CLMP: variants seen among roughly 807,000 people sequenced by gnomAD.
The protein encoded by CLMP is CXADR like cell adhesion molecule, also known as CXADR-like membrane protein.
Under a neutral mutation model 45.2 loss-of-function variants are expected in CLMP, and 27 were observed. The observed-to-expected ratio is 0.60, with a 90% CI of 0.44 to 0.82. The LOEUF is 0.82. Ranked by LOEUF, CLMP falls within the 40% of genes least tolerant of loss-of-function variation. The pLI is 0.00. For missense variants in CLMP, 403 were observed against 448.4 expected, an observed-to-expected ratio of 0.90 and a Z score of 0.91; for synonymous variants, 167 against 171.4, an observed-to-expected ratio of 0.97 and a Z score of 0.20.
chr11:123,148,727 C>T (rs1861271923), intron 1 of CLMP, among the ~76,000 whole-genome samples: 1 of 152,198 alleles, frequency 6.6e-6, no homozygotes. Flanking sequence ...CTAGAAGCCT[C>T]ATCTGTACCT....
intron 2 of CLMP, among the ~76,000 whole-genome samples, 197 bp from the exon 3 acceptor site, chr11:123,084,910 A>T (rs1356866829): frequency 3.9e-5 from 6 of 152,198 alleles, no homozygotes; most frequent in Non-Finnish European, 5.9e-5. Context: ...CTCCTTCCAA[A>T]AATAATAACA....
Position 123,075,117 on chromosome 11 carries a change from G to A in CLMP, c.680-274C>T, listed in dbSNP as rs540718739. Among the ~76,000 whole-genome samples the A allele has an allele frequency of 2.3e-4, 35 of 152,008 alleles. 1 individual carries two copies. The South Asian group carries it at 4.2e-3, about 18-fold the overall frequency. On this transcript the variant is annotated intron_variant, in intron 5 of 6. Transcript: ENST00000448775. Reference sequence around the variant, plus strand: ...ATCACAGGCGTGCACCACCACGCCCGGCTAATTTTGTATTTTTAGTAGAAA... The same window carrying A: ...ATCACAGGCGTGCACCACCACGCCCAGCTAATTTTGTATTTTTAGTAGAAA...
intron 1 of CLMP, among the ~76,000 whole-genome samples, chr11:123,104,360 A>C (rs1053794271): frequency 1.3e-5 from 2 of 149,874 alleles, no homozygotes; most frequent in East Asian, 4.0e-4. Flanking sequence ...GATTACAGGC[A>C]TGAGCCACCG....
intron 1 of CLMP, among the ~76,000 whole-genome samples, chr11:123,155,362 A>C (rs544086840): frequency 2.0e-5 from 3 of 152,324 alleles, no homozygotes; most frequent in South Asian, 2.1e-4. Flanking sequence ...GGAAGTGCTG[A>C]AGCCTGGGCA....
chr11:123,182,277 C>A (rs765970882), intron 1 of CLMP, among the ~76,000 whole-genome samples: 100 of 152,192 alleles, frequency 6.6e-4, no homozygotes, highest in Non-Finnish European at 6.6e-4. Flanking sequence ...GAAGAGCTGG[C>A]CAACCACTTT....
At chr11:123,076,991 CTTTTTTTTT>C (rs869224079) in intron 5 of CLMP, among the ~76,000 whole-genome samples, 7 of 99,674 alleles carry the variant, frequency 7.0e-5, no homozygotes, top group African/African-American at 1.2e-4. Flanking sequence ...GCTATTTATT[CTTTTTTTTT>C]TTTTTTTTTT....
chr11:123,119,899 C>T (rs1476172943), intron 1 of CLMP, among the ~76,000 whole-genome samples: 1 of 152,128 alleles, frequency 6.6e-6, no homozygotes, highest in African/African-American at 2.4e-5. Context: ...GTTGGCTAGG[C>T]TGGTCTCGAA....
intron 1 of CLMP, among the ~76,000 whole-genome samples, chr11:123,105,869 TACA>T (rs1246212102): frequency 6.6e-6 from 1 of 151,020 alleles, no homozygotes; most frequent in Non-Finnish European, 1.5e-5. Flanking sequence ...CAGGCTGGAG[TACA>T]GTAGCGCAAT....
intron 1 of CLMP, among the ~76,000 whole-genome samples, chr11:123,168,919 G>A (rs1290355424): frequency 6.6e-6 from 1 of 152,142 alleles, no homozygotes; most frequent in African/African-American, 2.4e-5. Flanking sequence ...CAGAACGTGC[G>A]GCATCCAAGC....
chr11:123,118,280 CCA>C (rs1219773245), intron 1 of CLMP, among the ~76,000 whole-genome samples: 1 of 152,144 alleles, frequency 6.6e-6, no homozygotes, highest in Non-Finnish European at 1.5e-5. Flanking sequence ...TAGGCATGCA[CCA>C]CCATGCCTGG....
intron 1 of CLMP, among the ~76,000 whole-genome samples, chr11:123,130,993 C>T (rs1015250885): frequency 6.6e-6 from 1 of 151,968 alleles, no homozygotes; most frequent in Non-Finnish European, 1.5e-5. Context: ...CAGGTGTGCA[C>T]CACCATGCCT....
intron 3 of CLMP, among the ~76,000 whole-genome samples, chr11:123,084,237 A>G (rs11218962): frequency 0.21 from 31,843 of 152,166 alleles, 3,409 homozygotes; most frequent in Admixed American, 0.28. Flanking sequence ...TTTGAATCAT[A>G]TCTGAGAGAC....
chr11:123,143,258 AT>A (rs1033691204), intron 1 of CLMP, among the ~76,000 whole-genome samples: 6 of 152,074 alleles, frequency 3.9e-5, no homozygotes, highest in African/African-American at 1.4e-4. Flanking sequence ...TTAGTGATGA[AT>A]TTTTCTCCTA....
intron 2 of CLMP, among the ~76,000 whole-genome samples, chr11:123,089,653 C>G (rs762616358): frequency 2.1e-4 from 32 of 149,516 alleles, no homozygotes; most frequent in Admixed American, 7.4e-4. Flanking sequence ...GGCGGGCGCC[C>G]GTAGTTCCAG....
intron 1 of CLMP, among the ~76,000 whole-genome samples, chr11:123,101,356 C>T (rs1866057366): frequency 6.6e-6 from 1 of 152,216 alleles, no homozygotes; most frequent in African/African-American, 2.4e-5. Context: ...ATCCGCCTGC[C>T]TCGGCCTCCC....
chr11:123,141,173 C>CTTTTTTTTTTTTTTT (rs550888215), intron 1 of CLMP, among the ~76,000 whole-genome samples: 1 of 80,840 alleles, frequency 1.2e-5, no homozygotes, highest in Non-Finnish European at 2.2e-5. Flanking sequence ...TCAGGCATTC[C>CTTTTTTTTTTTTTTT]TTTTTTTTTT....
At chr11:123,178,795 C>G (rs1861731422) in intron 1 of CLMP, among the ~76,000 whole-genome samples, 1 of 152,206 alleles carries the variant, frequency 6.6e-6, no homozygotes, top group Non-Finnish European at 1.5e-5. Flanking sequence ...CTGAAGCTTA[C>G]AGGGCCTCTA....
chr11:123,147,132 GTCATTTT>G (rs1861250213), intron 1 of CLMP, among the ~76,000 whole-genome samples: 1 of 152,050 alleles, frequency 6.6e-6, no homozygotes, highest in Admixed American at 6.5e-5. Context: ...TTCTAAAAAT[GTCATTTT>G]TTTTCAAGTT....
In CLMP at chr11:123,092,301, C is replaced by CTT. The variant is rs35001693; in HGVS notation, c.186+5492_186+5493dup. 1.5e-3 allele frequency among the ~76,000 whole-genome samples: 227 copies of CTT among 148,952 alleles called. 4 individuals carry two copies. The highest frequency in any genetic ancestry group is 4.9e-3 in the African/African-American group (196 of 39,906). On this transcript the variant is annotated intron_variant, in intron 2 of 6. Transcript: ENST00000448775. Reference sequence around the variant, plus strand: ...ACACACACACACACAAAGACACACACTTTTTTTTCTTTTTGAGACGGAGCC... The same window carrying CTT: ...ACACACACACACACAAAGACACACACTTTTTTTTTTCTTTTTGAGACGGAGCC...
Sources: allele counts gnomAD v4.1 joint callset (sites outside exome capture counted in the v4.1 genomes callset), GRCh38; gene constraint gnomAD v4.1.1; transcripts MANE v1.5; gene names NCBI Gene and HGNC (gene_info 2026-07-23, HGNC 2026-07-21).